The following PPM1B variants were observed in gnomAD, a reference collection of about 807,000 sequenced individuals.
The protein encoded by PPM1B is protein phosphatase, Mg2+/Mn2+ dependent 1B.
Under a neutral mutation model 43.0 loss-of-function variants are expected in PPM1B, and 22 were observed. That is an observed-to-expected ratio of 0.51 (90% CI 0.37 to 0.73). PPM1B has a LOEUF of 0.73. Ranked by LOEUF, PPM1B falls within the 30% of genes least tolerant of loss-of-function variation. The pLI is 0.00. For synonymous variants in PPM1B, 217 were observed against 197.9 expected (o/e 1.10, Z -0.81); for missense variants, 632 against 584.2 (o/e 1.08, Z -0.84).
intron 3 of PPM1B, among the ~76,000 whole-genome samples, chr2:44,214,985 G>T (rs1669655633): frequency 6.6e-6 from 1 of 152,170 alleles, no homozygotes; most frequent in Admixed American, 6.5e-5. Flanking sequence ...TCTTAAAGGT[G>T]TGGTCAATTC....
At chr2:44,184,249 C>G (rs1181892276) in intron 1 of PPM1B, among the ~76,000 whole-genome samples, 1 of 152,168 alleles carries the variant, frequency 6.6e-6, no homozygotes, top group Non-Finnish European at 1.5e-5. Flanking sequence ...AGTGGTTGTT[C>G]TTTTTGATAG....
At chr2:44,186,686 T>C (rs1668140217) in intron 1 of PPM1B, among the ~76,000 whole-genome samples, 1 of 152,264 alleles carries the variant, frequency 6.6e-6, no homozygotes. Context: ...GATTTTTAAC[T>C]AAAAGGTTTA....
Position 44,230,594 on chromosome 2 carries a change from C to T in PPM1B, c.1316C>T (p.Ser439Leu). ...GAACCAGCTGCCACAGCTACTTCTT[C>T]GAACAGTGATGCTGGAAACCCAGTG... ...PAEPAATATS[S>L]NSDAGNPVTM... The change falls in exon 6 of 6, where the codon TCG becomes TTG. Residue 439 changes from serine to leucine, a missense_variant. Ser to Leu is a moderately radical substitution (Grantham distance 145). This residue lies in a region of PPM1B where 392 missense variants were observed against 302.7 expected (regional missense o/e 1.29). Transcript: ENST00000282412. 6 of 1,614,094 alleles carry T rather than the reference C, an allele frequency of 3.7e-6. No homozygotes were observed. The highest frequency in any genetic ancestry group is 5.1e-6 in the Non-Finnish European group (6 of 1,180,004).
At chr2:44,200,474 T>C (rs995833992) in intron 1 of PPM1B, among the ~76,000 whole-genome samples, 2 of 152,208 alleles carry the variant, frequency 1.3e-5, no homozygotes, top group African/African-American at 2.4e-5. Context: ...ACTTCATGGA[T>C]TTTAAGTTCA....
At chr2:44,171,017 A>G (rs1667315381) in intron 1 of PPM1B, among the ~76,000 whole-genome samples, 1 of 152,042 alleles carries the variant, frequency 6.6e-6, no homozygotes, top group Non-Finnish European at 1.5e-5. Flanking sequence ...GAAGTCTTAC[A>G]ACAGTTTCTG....
chr2:44,233,246 A>G (rs1185065659), downstream of PPM1B: 2 of 888,850 alleles, frequency 2.3e-6, no homozygotes, highest in Non-Finnish European at 2.7e-6. Flanking sequence ...AGCTCAGAAT[A>G]TCACATTGAA....
downstream of PPM1B, chr2:44,232,460 A>G: frequency 2.6e-6 from 4 of 1,548,724 alleles, no homozygotes; most frequent in South Asian, 3.8e-5. Context: ...ACGTTTTGTG[A>G]TATGAGCAGA....
At chr2:44,218,615 C>T (rs1336341677) in intron 5 of PPM1B, 78 bp downstream of exon 5, 20 of 977,108 alleles carry the variant, frequency 2.0e-5, no homozygotes, top group South Asian at 9.2e-5. Flanking sequence ...TTCACATTAA[C>T]GAAGTCTATA....
chr2:44,178,653 T>C (rs573133681), intron 1 of PPM1B, among the ~76,000 whole-genome samples: 1 of 151,692 alleles, frequency 6.6e-6, no homozygotes, highest in African/African-American at 2.4e-5. Flanking sequence ...GTATTTTTAG[T>C]AGAGATGGGG....
chr2:44,240,870 C>T (rs1176749971), intron 5 of PPM1B, among the ~76,000 whole-genome samples: 1 of 146,022 alleles, frequency 6.8e-6, no homozygotes, highest in Non-Finnish European at 1.5e-5. Context: ...TGAGCTGTCT[C>T]TTAATACTTT....
chr2:44,239,415 C>G (rs1473442155), downstream of PPM1B, among the ~76,000 whole-genome samples: 1 of 151,958 alleles, frequency 6.6e-6, no homozygotes, highest in African/African-American at 2.4e-5. Flanking sequence ...ATGCGAGCTG[C>G]AAAACCTCTC....
At chr2:44,211,826 C>T (rs571412701) in intron 3 of PPM1B, among the ~76,000 whole-genome samples, 83 of 149,370 alleles carry the variant, frequency 5.6e-4, no homozygotes, top group Non-Finnish European at 8.4e-4. Context: ...CTTGGCTTAC[C>T]GCAGTCTCTG....
chr2:44,230,414 C>G lies in PPM1B; in HGVS notation c.1136C>G (p.Ala379Gly). ...TGGGGTCTTGAATCTTAAAAAAAGGCCTCCGATGAAGCAGAGGAAAGTGGA... is the reference window on the plus strand; with the variant it reads ...TGGGGTCTTGAATCTTAAAAAAAGGGCTCCGATGAAGCAGAGGAAAGTGGA... ...RLNPHRESDG[A>G]SDEAEESGSQ... The change falls in exon 6 of 6, where the codon GCC becomes GGC. Residue 379 changes from alanine (A) to glycine (G), a missense_variant and splice_region_variant. Ala to Gly is a moderately conservative substitution (Grantham distance 60). This residue lies in a region of PPM1B where 392 missense variants were observed against 302.7 expected (regional missense o/e 1.29). Coordinates refer to ENST00000282412, the MANE Select transcript of PPM1B (RefSeq NM_002706.6). 1.9e-6 allele frequency: 3 copies of G among 1,612,672 alleles called. No individual in the cohort carries two copies. The highest frequency in any genetic ancestry group is 2.5e-6 in the Non-Finnish European group (3 of 1,179,268).
At position 44,201,568 on chromosome 2, in the gene PPM1B, C is replaced by T. The variant is rs1188935112; in HGVS notation, c.369C>T (p.Leu123=). Reference sequence around the variant, plus strand: ...AATACATGCGTAACTTTTCAGACCTCAGAAACGGGATGGACAGGAGTGGTT... The same window carrying T: ...AATACATGCGTAACTTTTCAGACCTTAGAAACGGGATGGACAGGAGTGGTT... The part of the protein sequence containing the change: ...IDEYMRNFSD[L]RNGMDRSGST... The change falls in exon 2 of 6, where the codon CTC becomes CTT. Residue 123 remains leucine (L), a synonymous_variant. Transcript: ENST00000282412. The surrounding 1 kb of genome is among the most constrained non-coding windows in gnomAD (Gnocchi z 5.4). The T allele has an allele frequency of 6.2e-7, 1 of 1,614,014 alleles. No homozygotes were observed. Among genetic ancestry groups the T allele is most frequent in the African/African-American group, 1.3e-5 (1 of 74,910 alleles).
At chr2:44,202,410 T>C (rs76636656) in intron 2 of PPM1B, among the ~76,000 whole-genome samples, 87 of 152,314 alleles carry the variant, frequency 5.7e-4, no homozygotes, top group African/African-American at 2.1e-3. Flanking sequence ...GTACTAGATA[T>C]TACTAAAAGA....
downstream of PPM1B, among the ~76,000 whole-genome samples, chr2:44,245,956 G>T (rs1670846945): frequency 6.6e-6 from 1 of 152,172 alleles, no homozygotes; most frequent in Admixed American, 6.5e-5. Flanking sequence ...GTTTAAATTA[G>T]ATTCTGACCT....
chr2:44,195,490 C>T (rs1416843474), intron 1 of PPM1B, among the ~76,000 whole-genome samples: 1 of 152,138 alleles, frequency 6.6e-6, no homozygotes, highest in East Asian at 1.9e-4. Context: ...GGATTCCAGG[C>T]ATGAGCCACC....
chr2:44,172,078 C>CA (rs1241507202), intron 1 of PPM1B, among the ~76,000 whole-genome samples: 23 of 152,012 alleles, frequency 1.5e-4, no homozygotes, highest in South Asian at 1.2e-3. Context: ...TTGTTTAATC[C>CA]AAAATTATAA....
intron 2 of PPM1B, among the ~76,000 whole-genome samples, chr2:44,207,581 T>C (rs1031702812): frequency 7.0e-6 from 1 of 143,536 alleles, no homozygotes; most frequent in Admixed American, 7.0e-5. Context: ...TATGATATGC[T>C]TTTTTTTTTT....
Sources: gnomAD v4.1 joint callset for allele counts (sites outside exome capture counted in the v4.1 genomes callset) on GRCh38, gnomAD v4.1.1 for gene constraint, gnomAD v4.1.1 regional missense constraint, Gnocchi (gnomAD v3.1) non-coding constraint, MANE v1.5 for transcripts, NCBI Gene and HGNC (gene_info 2026-07-23, HGNC 2026-07-21) for gene names.